The following GABRR1 variants were observed in gnomAD, a reference collection of about 807,000 sequenced individuals.
GABRR1 encodes gamma-aminobutyric acid receptor subunit rho-1.
GABRR1 carries 59 observed loss-of-function variants against 55.5 expected under a neutral mutation model. The observed-to-expected ratio is 1.06, with a 90% confidence interval of 0.86 to 1.32. The LOEUF is 1.32. Ranked by LOEUF, GABRR1 falls within the 40% of genes most tolerant of loss-of-function variation. The pLI, the probability that GABRR1 is intolerant of heterozygous loss-of-function variation, is 0.00. For missense variants in GABRR1, 602 were observed against 619.1 expected (o/e 0.97, Z 0.29); for synonymous variants, 213 against 226.0 (o/e 0.94, Z 0.51).
intron 8 of GABRR1, among the ~76,000 whole-genome samples, chr6:89,181,639 A>T (rs1412230740): frequency 6.6e-6 from 1 of 152,140 alleles, no homozygotes; most frequent in Non-Finnish European, 1.5e-5. Context: ...GCACCTAAAG[A>T]CCAGGCTCGC....
At position 89,181,885 on chromosome 6, in the gene GABRR1, G is replaced by A; in HGVS notation, c.949+20C>T. 1 of 1,590,974 alleles carries A rather than the reference G, an allele frequency of 6.3e-7. No individual in the cohort carries two copies. The highest frequency in any genetic ancestry group is 8.6e-7 in the Non-Finnish European group (1 of 1,168,856). On this transcript the variant is annotated intron_variant, in intron 8 of 9. Coordinates refer to ENST00000454853, the MANE Select transcript of GABRR1 (RefSeq NM_002042.5). ...CTATATTTGCAGATGCTTGGAATAT[G>A]CACTTGAGGTATTCCTTACCTAAGG...
At position 89,180,331 on chromosome 6, in the gene GABRR1, G is replaced by T. The variant is rs768348668; in HGVS notation, c.1107C>A (p.Thr369=). 3.5e-5 allele frequency: 56 copies of T among 1,613,716 alleles called. No homozygotes were observed. In the Middle Eastern group the frequency reaches 2.1e-3, roughly 62 times the overall value. The change falls in exon 9 of 10, where the codon ACC becomes ACA. Residue 369 remains threonine, a synonymous_variant. Coordinates refer to ENST00000454853, the MANE Select transcript of GABRR1 (RefSeq NM_002042.5). The part of the protein sequence containing the change: ...VLEYAAVNYL[T]TVQERKEQKL... Reference sequence around the variant, plus strand: ...TCTGTTCCTTCCTCTCCTGCACAGTGGTCAGGTAGTTGACGGCCGCATACT... The same window carrying T: ...TCTGTTCCTTCCTCTCCTGCACAGTTGTCAGGTAGTTGACGGCCGCATACT...
At position 89,182,030 on chromosome 6, in the gene GABRR1, A is replaced by G; in HGVS notation, c.824T>C (p.Phe275Ser). The G allele has an allele frequency of 6.2e-7, 1 of 1,614,184 alleles. No individual in the cohort carries two copies. Among genetic ancestry groups the G allele is most frequent in the Non-Finnish European group, 8.5e-7 (1 of 1,180,026 alleles). ...GAAGAAGATGTGGCGACGCAACGTG[A>G]AATTAATGTAGAGACGGTTGTACCA... The part of the protein sequence containing the change: ...TGWYNRLYIN[F>S]TLRRHIFFFL... Residue 275 changes from phenylalanine (F) to serine (S), a missense_variant, in exon 8 of 10, where the codon TTC becomes TCC. Coordinates refer to ENST00000454853, the MANE Select transcript of GABRR1 (RefSeq NM_002042.5).
At position 89,178,514 on chromosome 6, in the gene GABRR1, C is replaced by G. The variant is rs545824041; in HGVS notation, c.*256G>C. 2.1e-6 allele frequency: 1 copy of G among 480,796 alleles called. No homozygotes were observed. Among genetic ancestry groups the G allele is most frequent in the East Asian group, 3.9e-5 (1 of 25,544 alleles). The allele number at this position is 480,796 out of a possible 1,614,324, so 29.8% of individuals were successfully genotyped here. On this transcript the variant is annotated 3_prime_UTR_variant, in exon 10 of 10. Transcript: ENST00000454853. Reference sequence around the variant, plus strand: ...CTTTTCCAGGGGATCTGGGTAACAACTAACATCAGTCGCTACAGTGTCGTA... The same window carrying G: ...CTTTTCCAGGGGATCTGGGTAACAAGTAACATCAGTCGCTACAGTGTCGTA...
At chr6:89,202,389 T>A (rs1331020370) in intron 2 of GABRR1, among the ~76,000 whole-genome samples, 1 of 152,038 alleles carries the variant, frequency 6.6e-6, no homozygotes, top group African/African-American at 2.4e-5. Context: ...CCTCCCAGGT[T>A]CAAGTGATTC....
intron 1 of GABRR1, among the ~76,000 whole-genome samples, chr6:89,205,216 T>G (rs1344023535): frequency 6.6e-6 from 1 of 152,160 alleles, no homozygotes; most frequent in Non-Finnish European, 1.5e-5. Context: ...GAGCCAGAAG[T>G]CAGAGCCAGG....
chr6:89,184,824 A>G (rs1300459780), intron 7 of GABRR1, among the ~76,000 whole-genome samples: 1 of 148,362 alleles, frequency 6.7e-6, no homozygotes, highest in African/African-American at 2.5e-5. Context: ...AATCACTTCC[A>G]CCCACTGCTT....
chr6:89,181,838 A>T, intron 8 of GABRR1, 67 bp downstream of exon 8: 23 of 1,432,420 alleles, frequency 1.6e-5, no homozygotes, highest in Non-Finnish European at 2.2e-5. Context: ...GAATGGTTTT[A>T]TCTGGAAGGA....
At chr6:89,225,058 G>A (rs1773177227) in intron 1 of GABRR1, among the ~76,000 whole-genome samples, 1 of 152,120 alleles carries the variant, frequency 6.6e-6, no homozygotes, top group South Asian at 2.1e-4. Context: ...TGGGATTATA[G>A]GCGAGAGCCA....
intron 5 of GABRR1, among the ~76,000 whole-genome samples, chr6:89,192,597 C>A (rs1420069681): frequency 7.0e-6 from 1 of 143,728 alleles, no homozygotes; most frequent in Non-Finnish European, 1.5e-5. Flanking sequence ...CAGTCTCGCT[C>A]TGTCGCCCAG....
At chr6:89,217,130 T>C (rs1773009996) in intron 1 of GABRR1, 71 bp downstream of exon 1, 1 of 1,538,074 alleles carries the variant, frequency 6.5e-7, no homozygotes, top group Admixed American at 1.9e-5. Context: ...GCTCAGTTTC[T>C]AGAAGAACAC....
chr6:89,203,738 C>G (rs1227744911), intron 1 of GABRR1, among the ~76,000 whole-genome samples: 3 of 152,214 alleles, frequency 2.0e-5, no homozygotes, highest in Non-Finnish European at 4.4e-5. Flanking sequence ...ATATCTCCCC[C>G]ACTGGTCTAC....
rs373575126 is a variant in GABRR1 at position 89,215,400 on chromosome 6, G to A, written c.122+1801C>T. ...ATTTGCAACAGCACGCATAAACCTG[G>A]AGGACATTATGCTTAATGAAATAAG... On this transcript the variant is annotated intron_variant, in intron 1 of 9. Coordinates refer to ENST00000454853, the MANE Select transcript of GABRR1 (RefSeq NM_002042.5). 1.4e-4 allele frequency among the ~76,000 whole-genome samples: 21 copies of A among 152,290 alleles called. 1 individual carries two copies. In the South Asian group the frequency reaches 3.7e-3, roughly 27 times the overall value.
intron 3 of GABRR1, 108 bp from the exon 4 acceptor site, chr6:89,199,537 T>C (rs1357098424): frequency 3.9e-6 from 4 of 1,017,780 alleles, no homozygotes; most frequent in African/African-American, 1.6e-5. Context: ...TCATATCAGA[T>C]TTGGAGGTTT....
At chr6:89,197,484 C>T (rs148483412) in intron 5 of GABRR1, among the ~76,000 whole-genome samples, 6 of 152,304 alleles carry the variant, frequency 3.9e-5, no homozygotes, top group East Asian at 1.9e-4. Flanking sequence ...AGCAATTAAA[C>T]GTTTTTAAAG....
At chr6:89,216,928 C>G (rs748200520) in intron 1 of GABRR1, among the ~76,000 whole-genome samples, 1 of 152,112 alleles carries the variant, frequency 6.6e-6, no homozygotes, top group African/African-American at 2.4e-5. Flanking sequence ...TGCATATATT[C>G]TATTTTCCAG....
chr6:89,215,883 G>A (rs1421238649), intron 1 of GABRR1, among the ~76,000 whole-genome samples: 3 of 152,042 alleles, frequency 2.0e-5, no homozygotes, highest in Non-Finnish European at 2.9e-5. Flanking sequence ...CTTAATCACC[G>A]ATATTTGCAA....
chr6:89,224,808 G>C (rs2127812214), intron 1 of GABRR1, among the ~76,000 whole-genome samples: 2 of 151,986 alleles, frequency 1.3e-5, no homozygotes, highest in East Asian at 3.9e-4. Flanking sequence ...CCCAAGACAG[G>C]GTCTTGCTCT....
chr6:89,182,201 C>G, intron 7 of GABRR1, 144 bp from the exon 8 acceptor site: 1 of 769,894 alleles, frequency 1.3e-6, no homozygotes, highest in Non-Finnish European at 2.0e-6. Flanking sequence ...AATCATGAAA[C>G]AAAGTGATTA....
Sources: gnomAD v4.1 joint callset for allele counts (sites outside exome capture counted in the v4.1 genomes callset) on GRCh38, gnomAD v4.1.1 for gene constraint, MANE v1.5 for transcripts, NCBI Gene and HGNC (gene_info 2026-07-23, HGNC 2026-07-21) for gene names.